The following ZNF326 variants were observed in gnomAD, a reference collection of about 807,000 sequenced individuals.
ZNF326 encodes the protein zinc finger protein 326.
A neutral mutation model predicts 63.1 loss-of-function variants in ZNF326; 30 were observed. That is an observed-to-expected ratio of 0.48 (90% confidence interval 0.36 to 0.64). ZNF326 has a LOEUF of 0.64. Ranked by LOEUF, ZNF326 falls within the 30% of genes least tolerant of loss-of-function variation. The pLI is 0.00. For synonymous variants in ZNF326, 194 were observed against 228.2 expected (o/e 0.85, Z 1.35); for missense variants, 609 against 720.3 (o/e 0.85, Z 1.77).
In ZNF326 at chr1:90,005,154, A is replaced by G; in HGVS notation, c.119A>G (p.His40Arg). 1.2e-6 allele frequency: 2 copies of G among 1,614,054 alleles called. No individual in the cohort carries two copies. Among genetic ancestry groups the G allele is most frequent in the South Asian group, 1.1e-5 (1 of 91,072 alleles). The change falls in exon 4 of 12, where the codon CAT becomes CGT. Residue 40 changes from histidine (H) to arginine (R), a missense_variant. Around this residue, in one of 3 missense-constraint regions of ZNF326, gnomAD observed 97 missense variants for 88.7 expected, o/e 1.09. Transcript: ENST00000340281. ...ATAGGGATGGATCGTGACTATGGCCATGGATCCTATGGGGGTCAGAGATCC... is the reference window on the plus strand; with the variant it reads ...ATAGGGATGGATCGTGACTATGGCCGTGGATCCTATGGGGGTCAGAGATCC... ...SYGGMDRDYG[H>R]GSYGGQRSMD... is the part of the protein sequence containing the mutation.
chr1:90,021,574 T>A (rs369600414), intron 10 of ZNF326, among the ~76,000 whole-genome samples: 1 of 152,132 alleles, frequency 6.6e-6, no homozygotes, highest in African/African-American at 2.4e-5. Context: ...CTGGTTTTAT[T>A]TAGTCAGATT....
intron 10 of ZNF326, 117 bp downstream of exon 10, chr1:90,021,039 A>G: frequency 3.6e-6 from 4 of 1,100,274 alleles, no homozygotes; most frequent in Non-Finnish European, 5.2e-6. Context: ...CTCATATGGA[A>G]ATAACTGTAA....
Position 90,027,587 on chromosome 1 carries a change from G to T in ZNF326, c.1635G>T (p.Gly545=), listed in dbSNP as rs1157480744. The change falls in exon 12 of 12, where the codon GGG becomes GGT. Residue 545 remains glycine, a synonymous_variant. Transcript: ENST00000340281. Reference sequence around the variant, plus strand: ...GAGTAGGGGAAGGAGGGGAAGTAGGGGTAGTGGGAGAAGTAGAGGGAGTGG... The same window carrying T: ...GAGTAGGGGAAGGAGGGGAAGTAGGTGTAGTGGGAGAAGTAGAGGGAGTGG... ...IQGVGEGGEV[G]VVGEVEGVGE... 1.2e-6 allele frequency: 2 copies of T among 1,610,998 alleles called. No homozygotes were observed. The highest frequency in any genetic ancestry group is 2.2e-5 in the South Asian group (2 of 90,836).
intron 1 of ZNF326, among the ~76,000 whole-genome samples, 186 bp downstream of exon 1, chr1:89,995,459 G>T (rs1388542903): frequency 5.3e-5 from 8 of 152,202 alleles, no homozygotes; most frequent in Admixed American, 5.2e-4. Flanking sequence ...GATTCGGCCC[G>T]CTCGGCGCCC....
At chr1:90,016,707 G>C (rs1649519353) in intron 7 of ZNF326, among the ~76,000 whole-genome samples, 1 of 149,940 alleles carries the variant, frequency 6.7e-6, no homozygotes, top group South Asian at 2.1e-4. Flanking sequence ...GCAGAGCGAG[G>C]CTCCATCTCA....
rs754887412 is a variant in ZNF326 at position 89,995,267 on chromosome 1, G to A, written c.10G>A (p.Glu4Lys). ...GCCCTCAGCCTCTGCCATGGACTTCGAGGACGGTAAGCGCTGCCTCTGGCT... is the reference window on the plus strand; with the variant it reads ...GCCCTCAGCCTCTGCCATGGACTTCAAGGACGGTAAGCGCTGCCTCTGGCT... MDF[E>K]DDYTHSACRN... The change falls in exon 1 of 12, where the codon GAG becomes AAG. Residue 4 changes from glutamate to lysine, a missense_variant. Glu to Lys is a moderately conservative substitution (Grantham distance 56). Transcript: ENST00000340281. 131 of 1,555,878 alleles carry A rather than the reference G, an allele frequency of 8.4e-5. No individual in the cohort carries two copies. The highest frequency in any genetic ancestry group is 1.1e-4 in the Non-Finnish European group (129 of 1,152,846).
At position 89,995,209 on chromosome 1, in the gene ZNF326, C is replaced by CCATA; in HGVS notation, c.-48_-45dup. On this transcript the variant is annotated 5_prime_UTR_variant, in exon 1 of 12. Coordinates refer to ENST00000340281, the MANE Select transcript of ZNF326 (RefSeq NM_182976.4). ...GCGGGTCGCGGACGCTCGCCGCCGG[C>CCATA]CATAGCTCAGCCTAGCGCCGCCAAG... 3 of 1,532,008 alleles carry CCATA rather than the reference C, an allele frequency of 2.0e-6. No individual in the cohort carries two copies. The highest frequency in any genetic ancestry group is 2.6e-6 in the Non-Finnish European group (3 of 1,142,442). The allele number at this position is 1,532,008 out of a possible 1,614,324, so 94.9% of individuals were successfully genotyped here.
In ZNF326 at chr1:89,995,142, T is replaced by G. The variant is rs1648273171; in HGVS notation, c.-116T>G. On this transcript the variant is annotated 5_prime_UTR_variant, in exon 1 of 12. Coordinates refer to ENST00000340281, the MANE Select transcript of ZNF326 (RefSeq NM_182976.4). ...CTGTGGCCTGCGGCTCCCGGGCTGG[T>G]AGCGCGCCGCTCTCGGTCGCGCGGA... 3 of 1,311,048 alleles carry G rather than the reference T, an allele frequency of 2.3e-6. No individual in the cohort carries two copies. The highest frequency in any genetic ancestry group is 2.2e-5 in the Admixed American group (1 of 45,242). The allele number at this position is 1,311,048 out of a possible 1,614,324, so 81.2% of individuals were successfully genotyped here. A position where few individuals can be genotyped will look rare whatever the true frequency, so the allele number is the denominator to read the frequency against.
Position 90,033,959 on chromosome 1 carries a change from C to T in ZNF326, c.*6258C>T, listed in dbSNP as rs1650386191. 1.3e-5 allele frequency: 2 copies of T among 151,208 alleles called. No individual in the cohort carries two copies. The highest frequency in any genetic ancestry group is 2.9e-5 in the Non-Finnish European group (2 of 67,798). The allele number at this position is 151,208 out of a possible 1,614,324, so 9.4% of individuals were successfully genotyped here. ...TGAAGAATAGGAAAAAAAAAAAAAT[C>T]TTCTGATGAAAGATTCATATTAGAA... On this transcript the variant is annotated 3_prime_UTR_variant, in exon 12 of 12. Coordinates refer to ENST00000340281, the MANE Select transcript of ZNF326 (RefSeq NM_182976.4).
At chr1:90,022,427 A>G in intron 11 of ZNF326, 82 bp downstream of exon 11, 2 of 977,302 alleles carry the variant, frequency 2.0e-6, no homozygotes, top group South Asian at 1.4e-5. Flanking sequence ...CTTTTGTGAT[A>G]CTTGAATATA....
intron 11 of ZNF326, among the ~76,000 whole-genome samples, chr1:90,026,464 T>C (rs1650021493): frequency 6.6e-6 from 1 of 152,224 alleles, no homozygotes; most frequent in South Asian, 2.1e-4. Flanking sequence ...TGCAAATTTA[T>C]AGCTGCCTAT....
intron 7 of ZNF326, among the ~76,000 whole-genome samples, 160 bp from the exon 8 acceptor site, chr1:90,017,157 A>G (rs1215652034): frequency 1.3e-5 from 2 of 152,240 alleles, no homozygotes; most frequent in African/African-American, 2.4e-5. Context: ...ATGTACTTAA[A>G]TACTGTTTTT....
chr1:90,003,970 T>C (rs1648828503), intron 2 of ZNF326, among the ~76,000 whole-genome samples: 3 of 152,186 alleles, frequency 2.0e-5, no homozygotes, highest in Admixed American at 2.0e-4. Context: ...CTGTGTGTAC[T>C]ATTGTATTTA....
chr1:90,019,470 C>T (rs760818285), intron 9 of ZNF326, among the ~76,000 whole-genome samples: 21 of 152,144 alleles, frequency 1.4e-4, no homozygotes, highest in Non-Finnish European at 2.9e-4. Context: ...ACATTTTTTA[C>T]TAACTATATG....
intron 11 of ZNF326, among the ~76,000 whole-genome samples, chr1:90,023,842 A>AAC (rs1254077525): frequency 6.6e-6 from 1 of 152,150 alleles, no homozygotes; most frequent in African/African-American, 2.4e-5. Flanking sequence ...TGTTGTAGAG[A>AAC]ACACACCTGA....
chr1:90,014,611 G>T (rs1422803180), intron 7 of ZNF326, among the ~76,000 whole-genome samples: 3 of 152,174 alleles, frequency 2.0e-5, no homozygotes, highest in Non-Finnish European at 4.4e-5. Context: ...TTTTAAAAAT[G>T]TCTAAATTTT....
At chr1:90,012,303 C>T (rs191281063) in intron 6 of ZNF326, among the ~76,000 whole-genome samples, 1 of 152,188 alleles carries the variant, frequency 6.6e-6, no homozygotes, top group East Asian at 1.9e-4. Context: ...ATACATGGTA[C>T]AACATGGGTG....
intron 11 of ZNF326, among the ~76,000 whole-genome samples, chr1:90,025,196 T>C (rs2101095770): frequency 6.6e-6 from 1 of 152,280 alleles, no homozygotes; most frequent in Non-Finnish European, 1.5e-5. Flanking sequence ...GAGGAATGTG[T>C]TCAATCACCC....
intron 11 of ZNF326, among the ~76,000 whole-genome samples, chr1:90,022,635 A>G (rs1649827668): frequency 6.6e-6 from 1 of 152,218 alleles, no homozygotes; most frequent in Non-Finnish European, 1.5e-5. Flanking sequence ...GAAAAAATTG[A>G]CTTGGAGAAT....
Sources: gnomAD v4.1 joint callset for allele counts (sites outside exome capture counted in the v4.1 genomes callset) on GRCh38, gnomAD v4.1.1 for gene constraint, gnomAD v4.1.1 regional missense constraint, MANE v1.5 for transcripts, NCBI Gene and HGNC (gene_info 2026-07-23, HGNC 2026-07-21) for gene names.